The following ARNT variants were observed in gnomAD, a reference collection of about 807,000 sequenced individuals.
ARNT encodes class E basic helix-loop-helix protein 2.
In ARNT, 30 loss-of-function variants were observed where a neutral mutation model predicts 105.0. That is an observed-to-expected ratio of 0.29 (90% CI 0.21 to 0.39). The LOEUF is 0.39. Among genes scored for constraint, ARNT ranks in the 10% least tolerant of loss-of-function variants. The pLI is 1.00. For missense variants in ARNT, 748 were observed against 978.7 expected, an observed-to-expected ratio of 0.76 and a Z score of 3.15; for synonymous variants, 304 against 344.0, an observed-to-expected ratio of 0.88 and a Z score of 1.29.
chr1:150,864,874 T>C (rs751286930), intron 1 of ARNT, among the ~76,000 whole-genome samples: 2 of 144,118 alleles, frequency 1.4e-5, no homozygotes, highest in Non-Finnish European at 3.0e-5. Flanking sequence ...AAAATGGTTT[T>C]CTTTAAATCA....
intron 10 of ARNT, 140 bp from the exon 11 acceptor site, chr1:150,830,120 A>ATT: frequency 2.3e-6 from 2 of 871,764 alleles, no homozygotes; most frequent in Non-Finnish European, 3.5e-6. Flanking sequence ...ACACTTTGGG[A>ATT]AGCCAAGGTG....
chr1:150,873,150 G>A (rs976690524), intron 1 of ARNT, among the ~76,000 whole-genome samples: 2 of 151,846 alleles, frequency 1.3e-5, no homozygotes, highest in Non-Finnish European at 1.5e-5. Context: ...TTAGCCGGGC[G>A]TGGTGGCGGG....
intron 1 of ARNT, among the ~76,000 whole-genome samples, chr1:150,875,157 CA>C (rs1362907423): frequency 6.6e-6 from 1 of 152,096 alleles, no homozygotes; most frequent in Non-Finnish European, 1.5e-5. Context: ...ACTACAAGGT[CA>C]GGTTTGACAT....
intron 3 of ARNT, among the ~76,000 whole-genome samples, chr1:150,852,421 T>C (rs879577789): frequency 2.6e-5 from 4 of 152,128 alleles, no homozygotes; most frequent in Admixed American, 6.5e-5. Context: ...GCTGACCAGC[T>C]GAGAATGCAG....
At position 150,863,627 on chromosome 1, in the gene ARNT, G is replaced by A. The variant is rs587706793; in HGVS notation, c.26-5167C>T. 2.6e-5 allele frequency among the ~76,000 whole-genome samples: 4 copies of A among 151,990 alleles called. 1 individual carries two copies. The highest frequency in any genetic ancestry group is 5.9e-5 in the Non-Finnish European group (4 of 67,970). ...GTGGATCACCTAAGGTCAGGAGTTC[G>A]AGACCAGCCTGACCAACATGGTGAA... On this transcript the variant is annotated intron_variant, in intron 1 of 21. Transcript: ENST00000358595.
chr1:150,818,094 A>G, intron 14 of ARNT, 64 bp from the exon 15 acceptor site: 1 of 1,110,318 alleles, frequency 9.0e-7, no homozygotes, highest in Non-Finnish European at 1.3e-6. Context: ...GAGAGAGAGA[A>G]AGAGAAGAAT....
rs113838796 is a variant in ARNT, at chr1:150,868,763, G to A, written c.25+7780C>T. On this transcript the variant is annotated intron_variant, in intron 1 of 21. Coordinates refer to ENST00000358595, the MANE Select transcript of ARNT (RefSeq NM_001668.4). Reference sequence around the variant, plus strand: ...AAAAACACAAAAATTAGCCAGGCGCGGTGGCACGTGCCTGTAGTCCCAGCT... The same window carrying A: ...AAAAACACAAAAATTAGCCAGGCGCAGTGGCACGTGCCTGTAGTCCCAGCT... Among the ~76,000 whole-genome samples the A allele has an allele frequency of 3.5e-4, 53 of 152,200 alleles. 1 individual carries two copies. In the South Asian group the frequency reaches 8.1e-3, roughly 23 times the overall value.
intron 6 of ARNT, among the ~76,000 whole-genome samples, chr1:150,838,495 T>A (rs186730680): frequency 7.9e-5 from 12 of 152,336 alleles, no homozygotes; most frequent in African/African-American, 2.9e-4. Context: ...TGTTAGAACA[T>A]ATTAACTATT....
intron 14 of ARNT, among the ~76,000 whole-genome samples, chr1:150,820,607 T>C (rs1656849755): frequency 6.6e-6 from 1 of 152,036 alleles, no homozygotes; most frequent in Admixed American, 6.6e-5. Flanking sequence ...CAGTGAGCCA[T>C]GATCACACCA....
intron 18 of ARNT, 133 bp downstream of exon 18, chr1:150,816,655 G>C (rs1228022212): frequency 9.3e-6 from 10 of 1,077,230 alleles, no homozygotes; most frequent in Middle Eastern, 5.7e-4. Context: ...CAGCTTGTTT[G>C]CCTCACGCTA....
chr1:150,872,781 A>C (rs587640607), intron 1 of ARNT, among the ~76,000 whole-genome samples: 11 of 152,202 alleles, frequency 7.2e-5, no homozygotes, highest in African/African-American at 2.6e-4. Context: ...TGGGCAACAT[A>C]GCAAGACCCT....
In ARNT at chr1:150,876,535, C is replaced by A; in HGVS notation, c.25+8G>T. On this transcript the variant is annotated splice_region_variant and intron_variant, in intron 1 of 21. Coordinates refer to ENST00000358595, the MANE Select transcript of ARNT (RefSeq NM_001668.4). ...CTTTAGAGGCGCCCCAGTCCTCCGT[C>A]TCCTCACCGGGGTTGGCAGTAGTCG... is the stretch of plus-strand genomic sequence containing the variant. 6.4e-7 allele frequency: 1 copy of A among 1,551,242 alleles called. No homozygotes were observed. The highest frequency in any genetic ancestry group is 2.4e-5 in the East Asian group (1 of 41,312).
At chr1:150,846,650 T>C (rs989656889) in intron 3 of ARNT, among the ~76,000 whole-genome samples, 2 of 152,158 alleles carry the variant, frequency 1.3e-5, no homozygotes, top group Non-Finnish European at 2.9e-5. Flanking sequence ...ATTTACTGTA[T>C]ACCATTTTTA....
At chr1:150,875,142 A>G (rs1000266304) in intron 1 of ARNT, among the ~76,000 whole-genome samples, 2 of 152,210 alleles carry the variant, frequency 1.3e-5, no homozygotes, top group African/African-American at 4.8e-5. Context: ...CAGATAGGTT[A>G]TATTACTACA....
At chr1:150,860,092 ATATC>A (rs1665345320) in intron 1 of ARNT, among the ~76,000 whole-genome samples, 1 of 151,658 alleles carries the variant, frequency 6.6e-6, no homozygotes, top group Admixed American at 6.6e-5. Flanking sequence ...TACATCATGA[ATATC>A]TATCTACACA....
At chr1:150,871,765 C>T (rs1186477402) in intron 1 of ARNT, among the ~76,000 whole-genome samples, 5 of 149,824 alleles carry the variant, frequency 3.3e-5, no homozygotes, top group South Asian at 2.1e-4. Context: ...AAAAATTAGC[C>T]GGCGTGATGG....
rs587660308 is a variant in ARNT at position 150,810,245 on chromosome 1, A to G, written c.*1776T>C. The G allele has an allele frequency of 1.0e-4, 24 of 233,204 alleles. No individual in the cohort carries two copies. In the East Asian group the frequency reaches 1.4e-3, roughly 13 times the overall value. The allele number at this position is 233,204 out of a possible 1,614,324, so 14.4% of individuals were successfully genotyped here. Reference sequence around the variant, plus strand: ...ATAAAACCCTGAAGGAAAAGCAAAAACAAAACCCCCAGAGCATCTTCTCGC... The same window carrying G: ...ATAAAACCCTGAAGGAAAAGCAAAAGCAAAACCCCCAGAGCATCTTCTCGC... On this transcript the variant is annotated 3_prime_UTR_variant, in exon 22 of 22. Coordinates refer to ENST00000358595, the MANE Select transcript of ARNT (RefSeq NM_001668.4).
intron 6 of ARNT, among the ~76,000 whole-genome samples, chr1:150,838,908 G>C (rs1376781708): frequency 6.6e-6 from 1 of 152,040 alleles, no homozygotes; most frequent in Admixed American, 6.6e-5. Flanking sequence ...GTGATATCCT[G>C]CCACTCACAT....
chr1:150,840,208 T>G (rs1276619040), intron 5 of ARNT, among the ~76,000 whole-genome samples: 4 of 151,970 alleles, frequency 2.6e-5, no homozygotes, highest in Non-Finnish European at 5.9e-5. Context: ...ACCACTGCAC[T>G]TCAGCCTGGG....
Sources: gnomAD v4.1 joint callset for allele counts (sites outside exome capture counted in the v4.1 genomes callset) on GRCh38, gnomAD v4.1.1 for gene constraint, MANE v1.5 for transcripts, NCBI Gene and HGNC (gene_info 2026-07-23, HGNC 2026-07-21) for gene names.